The following FER variants were observed in gnomAD, a reference collection of about 807,000 sequenced individuals.
FER encodes FER tyrosine kinase.
Under a neutral mutation model 111.0 loss-of-function variants are expected in FER, and 63 were observed. The ratio of observed to expected loss-of-function variants is 0.57; its 90% CI spans 0.46 to 0.70. The LOEUF is 0.70. Ranked by LOEUF, FER falls within the 30% of genes least tolerant of loss-of-function variation. The pLI is 0.00. For synonymous variants in FER, 327 were observed against 313.9 expected (o/e 1.04, Z -0.44); for missense variants, 914 against 954.0 (o/e 0.96, Z 0.55).
chr5:108,895,912 T>C (rs1181465497), intron 9 of FER, among the ~76,000 whole-genome samples: 2 of 152,188 alleles, frequency 1.3e-5, no homozygotes, highest in African/African-American at 4.8e-5. Flanking sequence ...TTGCAAAGTT[T>C]ATTTTTATTC....
At chr5:108,860,661 T>G (rs183454014) in intron 5 of FER, among the ~76,000 whole-genome samples, 201 of 152,348 alleles carry the variant, frequency 1.3e-3, no homozygotes, top group African/African-American at 4.3e-3. Flanking sequence ...TTCCTGTTCA[T>G]TTTCTTCATA....
At chr5:108,769,649 T>A (rs189591175) in intron 2 of FER, among the ~76,000 whole-genome samples, 3 of 152,224 alleles carry the variant, frequency 2.0e-5, no homozygotes, top group Admixed American at 1.3e-4. Flanking sequence ...GTGTTTTTTT[T>A]AGACAGAACT....
In FER at chr5:108,983,105, G is replaced by T. The variant is rs1272428573; in HGVS notation, c.1656+23758G>T. Among the ~76,000 whole-genome samples the T allele has an allele frequency of 2.0e-5, 3 of 152,090 alleles. No individual in the cohort carries two copies. In the East Asian group the frequency reaches 5.8e-4, roughly 29 times the overall value. On this transcript the variant is annotated intron_variant, in intron 13 of 19. Coordinates refer to ENST00000281092, the MANE Select transcript of FER (RefSeq NM_005246.4). ...TTCAGTAAATATTTGTTGAATGAGT[G>T]AATTGATAAATTGAATAATTCTAAT...
intron 10 of FER, among the ~76,000 whole-genome samples, chr5:108,921,064 A>G (rs1380643261): frequency 1.3e-5 from 2 of 152,054 alleles, no homozygotes. Flanking sequence ...CCTTCTTTTG[A>G]TAATTTCAGG....
intron 12 of FER, 142 bp from the exon 13 acceptor site, chr5:108,959,083 G>T: frequency 1.8e-6 from 1 of 553,138 alleles, no homozygotes; most frequent in East Asian, 3.5e-5. Flanking sequence ...CCATTTTTAA[G>T]GGTATAGTTC....
chr5:108,813,990 G>A (rs962596555), intron 3 of FER, among the ~76,000 whole-genome samples: 9 of 152,194 alleles, frequency 5.9e-5, no homozygotes, highest in South Asian at 2.1e-4. Flanking sequence ...TGAACAAGTC[G>A]TAAATATCTC....
intron 16 of FER, among the ~76,000 whole-genome samples, chr5:109,056,784 ATAT>A (rs1360281898): frequency 6.6e-6 from 1 of 152,182 alleles, no homozygotes; most frequent in Admixed American, 6.5e-5. Context: ...CTTCACTATA[ATAT>A]TCTTTTTACC....
intron 17 of FER, among the ~76,000 whole-genome samples, chr5:109,166,293 A>T (rs190542667): frequency 2.3e-4 from 35 of 152,192 alleles, no homozygotes; most frequent in Middle Eastern, 6.8e-3. Context: ...GTAACTCATA[A>T]CAAGCCGGTT....
At chr5:109,001,436 A>G (rs181275380) in intron 13 of FER, among the ~76,000 whole-genome samples, 1 of 152,140 alleles carries the variant, frequency 6.6e-6, no homozygotes, top group East Asian at 1.9e-4. Flanking sequence ...TTCAACAACC[A>G]TTCATGCTAA....
intron 10 of FER, among the ~76,000 whole-genome samples, chr5:108,916,501 G>A (rs559255127): frequency 3.9e-5 from 6 of 152,212 alleles, no homozygotes; most frequent in South Asian, 2.1e-4. Flanking sequence ...GCATTGGATC[G>A]GGAGGGGCCT....
intron 11 of FER, among the ~76,000 whole-genome samples, chr5:108,950,835 A>G (rs1035550607): frequency 6.6e-6 from 1 of 152,172 alleles, no homozygotes; most frequent in Non-Finnish European, 1.5e-5. Flanking sequence ...TTTCACTGCA[A>G]ATAATTTTTA....
chr5:108,950,838 A>T (rs992204886), intron 11 of FER, among the ~76,000 whole-genome samples: 1 of 152,132 alleles, frequency 6.6e-6, no homozygotes, highest in Non-Finnish European at 1.5e-5. Context: ...CACTGCAAAT[A>T]ATTTTTACTA....
intron 10 of FER, among the ~76,000 whole-genome samples, chr5:108,913,400 C>T (rs1378916564): frequency 6.6e-6 from 1 of 152,130 alleles, no homozygotes. Flanking sequence ...AGTCTAGTAT[C>T]TGTGTGATAA....
In FER at chr5:108,897,650, C is replaced by T; in HGVS notation, c.1047-9C>T. ...GAAGTTGAAATCATTTATATTTATT[C>T]TCTTTTAGTATTGTGCTTCTGCTAA... On this transcript the variant is annotated splice_polypyrimidine_tract_variant and intron_variant, in intron 9 of 19. Transcript: ENST00000281092. 6.6e-7 allele frequency: 1 copy of T among 1,515,820 alleles called. No homozygotes were observed. The highest frequency in any genetic ancestry group is 8.8e-7 in the Non-Finnish European group (1 of 1,134,026). The allele number at this position is 1,515,820 out of a possible 1,614,324, so 93.9% of individuals were successfully genotyped here.
intron 8 of FER, among the ~76,000 whole-genome samples, chr5:108,875,470 C>A (rs1027607039): frequency 2.6e-5 from 4 of 152,014 alleles, no homozygotes; most frequent in Non-Finnish European, 5.9e-5. Flanking sequence ...TTTTAATCAT[C>A]TATTTATTAA....
At chr5:108,917,477 A>G (rs1190683833) in intron 10 of FER, among the ~76,000 whole-genome samples, 1 of 152,156 alleles carries the variant, frequency 6.6e-6, no homozygotes, top group Non-Finnish European at 1.5e-5. Flanking sequence ...CAGATAAGTC[A>G]GTTTAAGTAG....
At chr5:108,927,250 C>CGCTTTTTT (rs1753868786) in intron 10 of FER, among the ~76,000 whole-genome samples, 1 of 95,374 alleles carries the variant, frequency 1.0e-5, no homozygotes, top group African/African-American at 7.4e-5. Context: ...TGAGAAGTGG[C>CGCTTTTTT]TCTTTTTTTT....
intron 13 of FER, among the ~76,000 whole-genome samples, chr5:109,013,334 G>A (rs1207756881): frequency 7.4e-4 from 111 of 149,100 alleles, no homozygotes; most frequent in African/African-American, 2.6e-3. Flanking sequence ...GCGGTGTTTG[G>A]TTTTTTGTCC....
At chr5:109,178,933 T>A (rs1289086932) in intron 17 of FER, among the ~76,000 whole-genome samples, 1 of 152,196 alleles carries the variant, frequency 6.6e-6, no homozygotes, top group African/African-American at 2.4e-5. Context: ...TTAATTAATA[T>A]TCACATGATT....
Sources: gnomAD v4.1 joint callset for allele counts (sites outside exome capture counted in the v4.1 genomes callset) on GRCh38, gnomAD v4.1.1 for gene constraint, MANE v1.5 for transcripts, NCBI Gene and HGNC (gene_info 2026-07-23, HGNC 2026-07-21) for gene names.